Variants in PKHD1L1 observed in about 807,000 individuals in gnomAD.
PKHD1L1 encodes fibrocystin-L.
In PKHD1L1, 434 loss-of-function variants were observed where a neutral mutation model predicts 462.9. The ratio of observed to expected loss-of-function variants is 0.94; its 90% CI spans 0.87 to 1.02. The LOEUF (loss-of-function observed/expected upper bound fraction) is 1.02, where lower values mean the gene tolerates loss of function less well. Among genes scored for constraint, PKHD1L1 ranks in the 50% least tolerant of loss-of-function variants. The probability of loss-of-function intolerance (pLI) is 0.00; values close to 1 mark genes in which losing one functional copy is unlikely to be tolerated. For missense variants in PKHD1L1, 5,202 were observed against 5,096.1 expected (o/e 1.02, Z -0.63); for synonymous variants, 1,781 against 1,750.0 (o/e 1.02, Z -0.44).
chr8:109,479,659 T>A lies in PKHD1L1; in HGVS notation c.9178+20T>A. ...CTGAAGGTAAATGCGTAAACACAAA[T>A]GAATGAAATGTTTGTTTTCTGCAAT... On this transcript the variant is annotated intron_variant, in intron 54 of 77. Coordinates refer to ENST00000378402, the MANE Select transcript of PKHD1L1 (RefSeq NM_177531.6). 7.2e-7 allele frequency: 1 copy of A among 1,379,796 alleles called. No homozygotes were observed. Among genetic ancestry groups the A allele is most frequent in the Non-Finnish European group, 1.0e-6 (1 of 990,944 alleles). 85.5% of individuals were successfully genotyped at this position (1,379,796 alleles called of 1,614,324 possible).
chr8:109,437,188 A>G (rs1219435210), intron 30 of PKHD1L1, among the ~76,000 whole-genome samples: 1 of 152,180 alleles, frequency 6.6e-6, no homozygotes, highest in Non-Finnish European at 1.5e-5. Flanking sequence ...TGCTGGGATT[A>G]CAGACGTGAG....
At chr8:109,380,227 C>T (rs1018433436) in intron 2 of PKHD1L1, among the ~76,000 whole-genome samples, 1 of 150,382 alleles carries the variant, frequency 6.6e-6, no homozygotes, top group East Asian at 1.9e-4. Context: ...CTCTAACACT[C>T]TTGTATTAAA....
In PKHD1L1 at chr8:109,523,216, T is replaced by G; in HGVS notation, c.12331-17T>G. The G allele has an allele frequency of 9.9e-6, 1 of 101,492 alleles. No individual in the cohort carries two copies. Among genetic ancestry groups the G allele is most frequent in the African/African-American group, 6.1e-5 (1 of 16,528 alleles). 6.3% of individuals were successfully genotyped at this position (101,492 alleles called of 1,614,324 possible). A position where few individuals can be genotyped will look rare whatever the true frequency, so the allele number is the denominator to read the frequency against. On this transcript the variant is annotated splice_polypyrimidine_tract_variant and intron_variant, in intron 75 of 77. Coordinates refer to ENST00000378402, the MANE Select transcript of PKHD1L1 (RefSeq NM_177531.6). ...CAGGACAATTGTTATAATTATCTAC[T>G]TTTTTTTTTTTTTTAGGGTAACTGT...
chr8:109,464,552 A>T lies in PKHD1L1; in HGVS notation c.7720A>T (p.Asn2574Tyr). ...VTNPNNTIRH[N>Y]AVAGGTHFGF... ...CAACCCGAACAATACCATACGACAC[A>T]ATGCTGTTGCTGGTGGCACTCACTT... is the stretch of plus-strand genomic sequence containing the variant. The change falls in exon 49 of 78, where the codon AAT becomes TAT. Residue 2574 changes from asparagine to tyrosine, a missense_variant. Asn to Tyr is a moderately radical substitution (Grantham distance 143). Transcript: ENST00000378402. 1 of 1,613,628 alleles carries T rather than the reference A, an allele frequency of 6.2e-7. No individual in the cohort carries two copies. The highest frequency in any genetic ancestry group is 8.5e-7 in the Non-Finnish European group (1 of 1,179,784).
intron 67 of PKHD1L1, among the ~76,000 whole-genome samples, chr8:109,500,248 C>T (rs1819333161): frequency 6.6e-6 from 1 of 152,074 alleles, no homozygotes; most frequent in Admixed American, 6.6e-5. Context: ...CCTGCCATAG[C>T]TGGTCCCTAA....
rs947135580 is a variant in PKHD1L1 at position 109,413,506 on chromosome 8, C to A, written c.2321C>A (p.Thr774Asn). 4 of 1,570,248 alleles carry A rather than the reference C, an allele frequency of 2.5e-6. No homozygotes were observed. The highest frequency in any genetic ancestry group is 3.3e-4 in the Middle Eastern group (2 of 5,982). Reference protein sequence around the residue: ...YQDNSKITRSTDTQFTYNFAY... With the variant: ...YQDNSKITRSNDTQFTYNFAY... ...GACAATAGCAAGATTACTAGAAGCA[C>A]TGATACACAGTTTACATACAACTTT... Residue 774 changes from threonine to asparagine, a missense_variant, in exon 21 of 78, where the codon ACT becomes AAT. Transcript: ENST00000378402.
chr8:109,429,868 C>A, intron 26 of PKHD1L1, 64 bp from the exon 27 acceptor site: 1 of 1,033,320 alleles, frequency 9.7e-7, no homozygotes, highest in Non-Finnish European at 1.5e-6. Context: ...TTGTTAAAAC[C>A]TATTCATATT....
intron 30 of PKHD1L1, among the ~76,000 whole-genome samples, chr8:109,437,263 T>C (rs1440664685): frequency 1.3e-5 from 2 of 152,196 alleles, no homozygotes; most frequent in Non-Finnish European, 2.9e-5. Flanking sequence ...TGTGTTAAAT[T>C]TTCAGTTTCA....
At chr8:109,439,369 AGTAACTTCTAGGG>A (rs1815639290) in intron 32 of PKHD1L1, among the ~76,000 whole-genome samples, 1 of 152,176 alleles carries the variant, frequency 6.6e-6, no homozygotes, top group Admixed American at 6.6e-5. Context: ...ATGCATATCA[AGTAACTTCTAGGG>A]GCTCAGTGTT....
intron 70 of PKHD1L1, among the ~76,000 whole-genome samples, 191 bp from the exon 71 acceptor site, chr8:109,510,586 T>C (rs975847703): frequency 6.6e-6 from 1 of 152,152 alleles, no homozygotes; most frequent in African/African-American, 2.4e-5. Flanking sequence ...CTTCCCTGCC[T>C]TCCTTTTTAA....
intron 1 of PKHD1L1, among the ~76,000 whole-genome samples, chr8:109,364,250 AG>A (rs2130284779): frequency 1.3e-5 from 2 of 152,334 alleles, no homozygotes; most frequent in South Asian, 4.1e-4. Flanking sequence ...CATGAAATTA[AG>A]GATTTAATAC....
chr8:109,386,463 A>G (rs1812447155), intron 6 of PKHD1L1, among the ~76,000 whole-genome samples: 1 of 152,192 alleles, frequency 6.6e-6, no homozygotes, highest in African/African-American at 2.4e-5. Flanking sequence ...AATGCTGTAA[A>G]GGTGAGGTAT....
chr8:109,368,499 C>T (rs1272321228), intron 2 of PKHD1L1, among the ~76,000 whole-genome samples: 1 of 152,136 alleles, frequency 6.6e-6, no homozygotes, highest in Non-Finnish European at 1.5e-5. Context: ...AGTATAAATT[C>T]TATCCATTAG....
chr8:109,381,512 T>A lies in PKHD1L1; in HGVS notation c.306T>A (p.Thr102=), dbSNP rs754474553. 7.7e-6 allele frequency: 12 copies of A among 1,561,076 alleles called. No homozygotes were observed. The highest frequency in any genetic ancestry group is 1.0e-5 in the Non-Finnish European group (12 of 1,146,184). The part of the protein sequence containing the change: ...ASHSTQITCY[T]RAMPEDSYTV... ...ATTCAACTCAAATTACATGCTATACTAGGTCTGTTTTAAAGTATCTTTAAT... is the reference window on the plus strand; with the variant it reads ...ATTCAACTCAAATTACATGCTATACAAGGTCTGTTTTAAAGTATCTTTAAT... The change falls in exon 3 of 78, where the codon ACT becomes ACA. Residue 102 remains threonine (T), a splice_region_variant and synonymous_variant. Transcript: ENST00000378402.
chr8:109,394,200 A>G (rs1336847802), intron 9 of PKHD1L1, among the ~76,000 whole-genome samples: 1 of 150,416 alleles, frequency 6.6e-6, no homozygotes, highest in African/African-American at 2.4e-5. Context: ...AAAAAAAAGA[A>G]ATCAACTTTA....
intron 70 of PKHD1L1, among the ~76,000 whole-genome samples, chr8:109,510,312 A>G (rs1020829560): frequency 6.6e-6 from 1 of 152,004 alleles, no homozygotes; most frequent in Non-Finnish European, 1.5e-5. Context: ...TATTGTTAAC[A>G]AATTAACTCT....
intron 18 of PKHD1L1, among the ~76,000 whole-genome samples, chr8:109,409,177 C>A (rs976218083): frequency 1.3e-5 from 2 of 151,980 alleles, no homozygotes; most frequent in Admixed American, 6.6e-5. Flanking sequence ...TGAATATGTA[C>A]TAATTTCTGC....
At chr8:109,404,429 A>C in intron 14 of PKHD1L1, 125 bp from the exon 15 acceptor site, 3 of 521,764 alleles carry the variant, frequency 5.7e-6, no homozygotes, top group Non-Finnish European at 9.1e-6. Flanking sequence ...AAAATATGAG[A>C]TACTACAATA....
At chr8:109,443,141 C>CT in intron 36 of PKHD1L1, 25 bp downstream of exon 36, 1 of 1,607,748 alleles carries the variant, frequency 6.2e-7, no homozygotes, top group Non-Finnish European at 8.5e-7. Flanking sequence ...GATGGAAACT[C>CT]TGTTACACAG....
Sources: allele counts gnomAD v4.1 joint callset (sites outside exome capture counted in the v4.1 genomes callset), GRCh38; gene constraint gnomAD v4.1.1; transcripts MANE v1.5; gene names NCBI Gene and HGNC (gene_info 2026-07-23, HGNC 2026-07-21).